Variants in EYS observed in about 807,000 individuals in gnomAD.
EYS encodes EGF-like photoreceptor maintenance factor.
EYS carries 250 observed loss-of-function variants against 282.1 expected under a neutral mutation model. That is an observed-to-expected ratio of 0.89 (90% CI 0.80 to 0.98). EYS has a LOEUF of 0.98. EYS is among the 50% of genes least tolerant of loss of function. EYS has a pLI of 0.00. For synonymous variants in EYS, 1,355 were observed against 1,282.9 expected (o/e 1.06, Z -1.20); for missense variants, 4,016 against 3,709.0 (o/e 1.08, Z -2.15).
At chr6:64,431,291 T>G (rs1281504769) in intron 28 of EYS, among the ~76,000 whole-genome samples, 3 of 152,126 alleles carry the variant, frequency 2.0e-5, no homozygotes, top group African/African-American at 7.2e-5. Context: ...TTTTCTCTTT[T>G]TATAAAAACA....
At chr6:64,006,227 G>T (rs1253571800) in intron 33 of EYS, among the ~76,000 whole-genome samples, 1 of 151,952 alleles carries the variant, frequency 6.6e-6, no homozygotes, top group Non-Finnish European at 1.5e-5. Flanking sequence ...CTCTCTGTGG[G>T]TCTTGTGAAT....
chr6:65,550,143 C>CTTTCTTTTTTTTT (rs1562254227), intron 2 of EYS, among the ~76,000 whole-genome samples: 3 of 5,956 alleles, frequency 5.0e-4, no homozygotes, highest in East Asian at 8.3e-3. Flanking sequence ...TCTACTATAT[C>CTTTCTTTTTTTTT]TTTTTTTTTT....
chr6:64,113,551 C>A (rs1773279034), intron 31 of EYS, among the ~76,000 whole-genome samples: 1 of 152,074 alleles, frequency 6.6e-6, no homozygotes, highest in South Asian at 2.1e-4. Context: ...AAGAAGGGAG[C>A]AAAAATTCCT....
intron 12 of EYS, among the ~76,000 whole-genome samples, chr6:65,257,537 C>G (rs1215467398): frequency 6.7e-6 from 1 of 149,466 alleles, no homozygotes; most frequent in East Asian, 2.0e-4. Flanking sequence ...AATCCTTTCC[C>G]CATTGCTTGT....
At chr6:64,172,400 C>A (rs1237370898) in intron 31 of EYS, among the ~76,000 whole-genome samples, 1 of 152,190 alleles carries the variant, frequency 6.6e-6, no homozygotes, top group Non-Finnish European at 1.5e-5. Flanking sequence ...CCCCTAGCCC[C>A]TGGAAACCAC....
intron 31 of EYS, among the ~76,000 whole-genome samples, chr6:64,211,289 A>G (rs1036663367): frequency 1.3e-5 from 2 of 152,212 alleles, no homozygotes; most frequent in Non-Finnish European, 2.9e-5. Context: ...GACAATTTAG[A>G]GATACAACAA....
At chr6:65,008,070 T>C (rs970001394) in intron 13 of EYS, among the ~76,000 whole-genome samples, 7 of 152,284 alleles carry the variant, frequency 4.6e-5, no homozygotes, top group Admixed American at 4.6e-4. Flanking sequence ...CAGTTCCCAG[T>C]ATAGGCCCTC....
At chr6:65,366,284 C>T (rs921390449) in intron 8 of EYS, among the ~76,000 whole-genome samples, 6 of 151,802 alleles carry the variant, frequency 4.0e-5, no homozygotes, top group African/African-American at 1.2e-4. Flanking sequence ...ATCTGCTAAA[C>T]GTGCCAACCA....
At chr6:65,651,087 T>C (rs1767635209) in intron 1 of EYS, among the ~76,000 whole-genome samples, 1 of 152,066 alleles carries the variant, frequency 6.6e-6, no homozygotes, top group African/African-American at 2.4e-5. Flanking sequence ...ATAAAATGTC[T>C]AATGTCTATT....
At chr6:64,346,918 G>T (rs593493) in intron 29 of EYS, among the ~76,000 whole-genome samples, 113,799 of 151,184 alleles carry the variant, frequency 0.75, 43,420 homozygotes, top group African/African-American at 0.89. Flanking sequence ...TCTTGATGTA[G>T]TTTATTATAA....
chr6:65,165,657 T>C (rs567994669), intron 12 of EYS, among the ~76,000 whole-genome samples: 2 of 151,280 alleles, frequency 1.3e-5, no homozygotes, highest in African/African-American at 4.8e-5. Flanking sequence ...TTATACTTAA[T>C]GGTGAAAGAC....
intron 14 of EYS, among the ~76,000 whole-genome samples, chr6:64,975,971 G>A (rs952727991): frequency 6.6e-6 from 1 of 151,672 alleles, no homozygotes; most frequent in Admixed American, 6.6e-5. Flanking sequence ...AATATCTATA[G>A]AGAAATAGCT....
intron 30 of EYS, among the ~76,000 whole-genome samples, chr6:64,255,742 C>T (rs929892295): frequency 1.3e-5 from 2 of 151,896 alleles, no homozygotes; most frequent in African/African-American, 2.4e-5. Flanking sequence ...TGAACACACA[C>T]GTATTAAAAC....
chr6:64,751,296 CCA>C (rs756140446), intron 22 of EYS, among the ~76,000 whole-genome samples: 1 of 152,222 alleles, frequency 6.6e-6, no homozygotes, highest in Non-Finnish European at 1.5e-5. Flanking sequence ...TCTTTCCACT[CCA>C]CACTTAGATA....
intron 22 of EYS, among the ~76,000 whole-genome samples, chr6:64,810,320 G>C (rs1764553912): frequency 6.6e-6 from 1 of 152,034 alleles, no homozygotes; most frequent in South Asian, 2.1e-4. Context: ...TTTAACTTCT[G>C]TGAAAGAAAT....
At chr6:64,596,525 C>T (rs1766592341) in intron 24 of EYS, among the ~76,000 whole-genome samples, 1 of 152,018 alleles carries the variant, frequency 6.6e-6, no homozygotes, top group African/African-American at 2.4e-5. Flanking sequence ...ACACATAGAC[C>T]AATGGAACAG....
chr6:65,327,308 T>C (rs1769650043), intron 11 of EYS, among the ~76,000 whole-genome samples: 1 of 151,684 alleles, frequency 6.6e-6, no homozygotes, highest in African/African-American at 2.4e-5. Context: ...CTAGAATTGC[T>C]CTTACTTTGA....
rs192420252 is a variant in EYS, at chr6:64,075,022, A to G, written c.6571+6834T>C. ...GGCTACCTGTGGGAGCAGTCAGATG[A>G]TCTGTTTATCCTGGTGCTGCTTCAT... is the stretch of plus-strand genomic sequence containing the variant. On this transcript the variant is annotated intron_variant, in intron 32 of 42. Coordinates refer to ENST00000503581, the MANE Select transcript of EYS (RefSeq NM_001142800.2). Among the ~76,000 whole-genome samples the G allele has an allele frequency of 2.0e-5, 3 of 152,066 alleles. No homozygotes were observed. In the East Asian group the frequency reaches 5.8e-4, roughly 29 times the overall value.
intron 13 of EYS, among the ~76,000 whole-genome samples, chr6:65,009,246 A>G (rs1214506241): frequency 6.6e-6 from 1 of 152,120 alleles, no homozygotes; most frequent in Admixed American, 6.6e-5. Context: ...GCCCAACAAG[A>G]ACTCCAAAAA....
Sources: allele counts gnomAD v4.1 joint callset (sites outside exome capture counted in the v4.1 genomes callset), GRCh38; gene constraint gnomAD v4.1.1; transcripts MANE v1.5; gene names NCBI Gene and HGNC (gene_info 2026-07-23, HGNC 2026-07-21).